WSB2: variants seen among roughly 807,000 people sequenced by gnomAD.
The protein encoded by WSB2 is WD repeat and SOCS box-containing protein 2.
Under a neutral mutation model 48.8 loss-of-function variants are expected in WSB2, and 12 were observed. That is an observed-to-expected ratio of 0.25 (90% confidence interval 0.16 to 0.40). The LOEUF (loss-of-function observed/expected upper bound fraction) is 0.40. Ranked by LOEUF, WSB2 falls within the 10% of genes least tolerant of loss-of-function variation. The pLI is 1.00. For synonymous variants in WSB2, 191 were observed against 203.1 expected (o/e 0.94, Z 0.51); for missense variants, 317 against 506.2 (o/e 0.63, Z 3.59).
rs1483298762 is a variant in WSB2 at position 118,038,010 on chromosome 12, CAAG to C, written c.660+275_660+277del. On this transcript the variant is annotated intron_variant, in intron 5 of 8. Transcript: ENST00000315436. ...CTGCAACTTTTAAAATCTTAGACTC[CAAG>C]AAGAAAAGAAATTTAAAAAGCAATT... is the stretch of plus-strand genomic sequence containing the variant. The C allele has an allele frequency of 1.3e-5, 4 of 297,282 alleles. No individual in the cohort carries two copies. In the Admixed American group the frequency reaches 1.9e-4, roughly 14 times the overall value. The allele number at this position is 297,282 out of a possible 1,614,324, so 18.4% of individuals were successfully genotyped here.
At chr12:118,042,590 A>G (rs75981097) in intron 4 of WSB2, 5,792 of 463,822 alleles carry the variant, frequency 0.012, 298 homozygotes, top group African/African-American at 0.11. Flanking sequence ...TAGATATACA[A>G]TATATCTTCG....
chr12:118,044,758 G>C (rs1331038943), intron 2 of WSB2, among the ~76,000 whole-genome samples: 2 of 152,116 alleles, frequency 1.3e-5, no homozygotes, highest in East Asian at 3.9e-4. Flanking sequence ...GCCGGCCCTG[G>C]GGTTGAGCCT....
chr12:118,042,264 G>A (rs2031652014), intron 4 of WSB2, among the ~76,000 whole-genome samples: 2 of 152,178 alleles, frequency 1.3e-5, no homozygotes, highest in African/African-American at 4.8e-5. Context: ...TAGATCAGTG[G>A]TTCTCAACCT....
At chr12:118,053,846 T>G (rs1216021887) in intron 1 of WSB2, among the ~76,000 whole-genome samples, 1 of 152,238 alleles carries the variant, frequency 6.6e-6, no homozygotes, top group African/African-American at 2.4e-5. Context: ...ACTTTGACCC[T>G]GGCTGTTACC....
At chr12:118,045,012 A>G (rs1379207623) in intron 2 of WSB2, among the ~76,000 whole-genome samples, 1 of 152,194 alleles carries the variant, frequency 6.6e-6, no homozygotes, top group Non-Finnish European at 1.5e-5. Context: ...GCACCAACCC[A>G]ATATTATAGA....
intron 1 of WSB2, chr12:118,052,715 T>C: frequency 1.7e-6 from 1 of 582,078 alleles, no homozygotes; most frequent in Non-Finnish European, 3.0e-6. Flanking sequence ...TTTGTGCCCA[T>C]GAACCCAGTG....
At chr12:118,047,769 G>C (rs527849127) in intron 2 of WSB2, among the ~76,000 whole-genome samples, 7 of 152,216 alleles carry the variant, frequency 4.6e-5, no homozygotes, top group African/African-American at 1.4e-4. Context: ...AAAAATAGTA[G>C]CGAAACATGG....
intron 4 of WSB2, among the ~76,000 whole-genome samples, chr12:118,040,863 C>T (rs1226692985): frequency 6.6e-6 from 1 of 152,174 alleles, no homozygotes; most frequent in East Asian, 1.9e-4. Context: ...GCCTGGCCAA[C>T]GTGGTGAAAC....
At chr12:118,052,560 G>A (rs1566142107) in intron 1 of WSB2, 82 bp from the exon 2 acceptor site, 1 of 1,581,886 alleles carries the variant, frequency 6.3e-7, no homozygotes, top group Non-Finnish European at 8.6e-7. Flanking sequence ...CTGTCTCCCT[G>A]TGGCAAAGAG....
Position 118,035,303 on chromosome 12 carries a change from G to A in WSB2, c.855C>T (p.Ala285=), listed in dbSNP as rs769029649. Residue 285 remains alanine, a synonymous_variant, in exon 7 of 9, where the codon GCC becomes GCT. Coordinates refer to ENST00000315436, the MANE Select transcript of WSB2 (RefSeq NM_018639.5). Reference sequence around the variant, plus strand: ...TAATGTGGACGTCACTGTCATCCATGGCGGGGTCAACCTGGGTGTGGCTGG... The same window carrying A: ...TAATGTGGACGTCACTGTCATCCATAGCGGGGTCAACCTGGGTGTGGCTGG... ...RSLHHTQVDP[A]MDDSDVHISS... is the part of the protein sequence containing the mutation. 1 of 1,614,182 alleles carries A rather than the reference G, an allele frequency of 6.2e-7. No individual in the cohort carries two copies. Among genetic ancestry groups the A allele is most frequent in the East Asian group, 2.2e-5 (1 of 44,882 alleles).
intron 2 of WSB2, among the ~76,000 whole-genome samples, chr12:118,050,552 T>C (rs1241967843): frequency 6.6e-6 from 1 of 151,822 alleles, no homozygotes; most frequent in Non-Finnish European, 1.5e-5. Context: ...GGCAGGAGGA[T>C]AGCTTGAGAC....
chr12:118,058,678 A>T (rs1195621668), intron 1 of WSB2, among the ~76,000 whole-genome samples: 2 of 147,140 alleles, frequency 1.4e-5, no homozygotes, highest in Non-Finnish European at 3.0e-5. Context: ...CTTTATAACC[A>T]TCACTTAGAT....
chr12:118,055,015 TAA>T (rs11426565), intron 1 of WSB2, among the ~76,000 whole-genome samples: 8 of 135,196 alleles, frequency 5.9e-5, no homozygotes, highest in Non-Finnish European at 8.0e-5. Context: ...TCCATCTCTT[TAA>T]AAAAAAAAAA....
intron 1 of WSB2, among the ~76,000 whole-genome samples, chr12:118,056,680 C>G (rs188165086): frequency 4.1e-4 from 62 of 152,282 alleles, no homozygotes; most frequent in African/African-American, 1.4e-3. Context: ...GCAGGCAGGT[C>G]ACTTGGGGCC....
chr12:118,052,278 G>A (rs369543349), intron 2 of WSB2, 32 bp downstream of exon 2: 10 of 1,604,556 alleles, frequency 6.2e-6, no homozygotes, highest in Admixed American at 1.7e-5. Context: ...TTGGAAATGC[G>A]CCGGATGGGG....
chr12:118,050,094 G>T (rs2031820853), intron 2 of WSB2, among the ~76,000 whole-genome samples: 1 of 152,112 alleles, frequency 6.6e-6, no homozygotes. Context: ...CAGCTACTCA[G>T]GAGGCTGAGG....
At chr12:118,038,992 T>C (rs2031571841) in intron 4 of WSB2, among the ~76,000 whole-genome samples, 1 of 152,172 alleles carries the variant, frequency 6.6e-6, no homozygotes, top group Non-Finnish European at 1.5e-5. Flanking sequence ...AAAGGGACCT[T>C]TGATAGCAGA....
intron 1 of WSB2, among the ~76,000 whole-genome samples, chr12:118,057,527 G>A (rs1332942038): frequency 3.9e-5 from 6 of 151,994 alleles, no homozygotes; most frequent in African/African-American, 7.2e-5. Flanking sequence ...TGCCCACCTC[G>A]GCCTCCCAAA....
chr12:118,054,215 TCCAAAAAAAAAAA>T (rs1487191409), intron 1 of WSB2, among the ~76,000 whole-genome samples: 1 of 22,800 alleles, frequency 4.4e-5, no homozygotes, highest in African/African-American at 2.0e-4. Flanking sequence ...CTACTAAAAA[TCCAAAAAAAAAAA>T]AAAAAAAAAA....
Sources: gnomAD v4.1 joint callset for allele counts (sites outside exome capture counted in the v4.1 genomes callset) on GRCh38, gnomAD v4.1.1 for gene constraint, MANE v1.5 for transcripts, NCBI Gene and HGNC (gene_info 2026-07-23, HGNC 2026-07-21) for gene names.